The following MERTK variants were observed in gnomAD, a reference collection of about 807,000 sequenced individuals.
The protein encoded by MERTK is MER proto-oncogene, tyrosine kinase.
Under a neutral mutation model 99.3 loss-of-function variants are expected in MERTK, and 69 were observed. The observed-to-expected ratio is 0.70, with a 90% CI of 0.57 to 0.85. The LOEUF (loss-of-function observed/expected upper bound fraction) is 0.85. Ranked by LOEUF, MERTK falls within the 40% of genes least tolerant of loss-of-function variation. The pLI, the probability that MERTK is intolerant of heterozygous loss-of-function variation, is 0.00. For synonymous variants in MERTK, 426 were observed against 467.6 expected, an observed-to-expected ratio of 0.91 and a Z score of 1.15; for missense variants, 1,125 against 1,249.4, an observed-to-expected ratio of 0.90 and a Z score of 1.50.
At chr2:111,948,883 A>G (rs1438627762) in intron 4 of MERTK, among the ~76,000 whole-genome samples, 2 of 151,634 alleles carry the variant, frequency 1.3e-5, no homozygotes, top group East Asian at 2.0e-4. Flanking sequence ...TTAGACTGTC[A>G]CCCAGTCCTT....
intron 2 of MERTK, among the ~76,000 whole-genome samples, chr2:111,937,423 A>G (rs1223464761): frequency 3.3e-5 from 5 of 152,166 alleles, no homozygotes; most frequent in African/African-American, 9.7e-5. Context: ...AGCCTGGGCA[A>G]CGGAACAACA....
rs543381714 is a variant in MERTK at position 111,942,150 on chromosome 2, G to C, written c.483-2810G>C. 2.0e-5 allele frequency among the ~76,000 whole-genome samples: 3 copies of C among 152,278 alleles called. No individual in the cohort carries two copies. In the South Asian group the frequency reaches 6.2e-4, roughly 32 times the overall value. Reference sequence around the variant, plus strand: ...AGCTGCAAGCCTGCTGCCACTCCCGGGTCCCAGACCTTGAGGCAGAGCCGG... The same window carrying C: ...AGCTGCAAGCCTGCTGCCACTCCCGCGTCCCAGACCTTGAGGCAGAGCCGG... On this transcript the variant is annotated intron_variant, in intron 2 of 18. Transcript: ENST00000295408.
chr2:112,008,520 T>A, intron 14 of MERTK, 45 bp downstream of exon 14: 1 of 1,407,430 alleles, frequency 7.1e-7, no homozygotes, highest in East Asian at 2.3e-5. Flanking sequence ...AGGGCTCTGC[T>A]GATCTGCTCT....
At chr2:111,969,426 A>C (rs1676035806) in intron 6 of MERTK, among the ~76,000 whole-genome samples, 1 of 152,158 alleles carries the variant, frequency 6.6e-6, no homozygotes. Flanking sequence ...CCTGGTACTT[A>C]ATCATACAGT....
intron 7 of MERTK, among the ~76,000 whole-genome samples, chr2:111,977,355 G>GTTTT (rs1346374429): frequency 6.6e-6 from 1 of 152,060 alleles, no homozygotes; most frequent in Non-Finnish European, 1.5e-5. Flanking sequence ...TTGTTTGTTT[G>GTTTT]TTTTTACTTT....
chr2:111,898,880 C>T (rs1297828251), intron 1 of MERTK, 84 bp downstream of exon 1: 3 of 1,380,130 alleles, frequency 2.2e-6, no homozygotes, highest in East Asian at 2.6e-5. Context: ...AGCGCGTCCA[C>T]AGGGGCGCGC....
intron 2 of MERTK, among the ~76,000 whole-genome samples, chr2:111,936,165 C>T (rs1027275251): frequency 6.6e-6 from 1 of 152,116 alleles, no homozygotes; most frequent in South Asian, 2.1e-4. Flanking sequence ...ATCTGCCCGC[C>T]TCGGCCTCCC....
At chr2:111,957,170 GCCCGCC>G (rs912417405) in intron 4 of MERTK, among the ~76,000 whole-genome samples, 3 of 151,866 alleles carry the variant, frequency 2.0e-5, no homozygotes, top group African/African-American at 7.3e-5. Context: ...CTCGTGATCC[GCCCGCC>G]TTGGCCAGTG....
intron 2 of MERTK, chr2:111,940,948 A>G (rs1452668493): frequency 4.6e-6 from 3 of 656,136 alleles, no homozygotes; most frequent in Non-Finnish European, 8.8e-6. Context: ...TTCAAGCCAA[A>G]CAGTGAAGTT....
chr2:111,975,325 A>G lies in MERTK; in HGVS notation c.997A>G (p.Met333Val), dbSNP rs1378359073. Residue 333 changes from methionine to valine, a missense_variant, in exon 7 of 19, where the codon ATG becomes GTG. By Grantham distance (21) the Met-to-Val change is conservative. Transcript: ENST00000295408. Reference sequence around the variant, plus strand: ...TGATCCGCTGAGTAATGGCTCAGTCATGATTTTTAACACCTCTGCCTTACC... The same window carrying G: ...TGATCCGCTGAGTAATGGCTCAGTCGTGATTTTTAACACCTCTGCCTTACC... ...EADPLSNGSV[M>V]IFNTSALPHL... The G allele has an allele frequency of 3.7e-6, 6 of 1,614,090 alleles. No individual in the cohort carries two copies. Among genetic ancestry groups the G allele is most frequent in the Non-Finnish European group, 5.1e-6 (6 of 1,180,036 alleles).
chr2:111,974,769 C>CAAAAAAAAAAAAAAAAAAAAAAAAAAAAA (rs35594851), intron 6 of MERTK, among the ~76,000 whole-genome samples: 2 of 53,372 alleles, frequency 3.7e-5, no homozygotes, highest in African/African-American at 7.3e-5. Flanking sequence ...AGGTCCATCT[C>CAAAAAAAAAAAAAAAAAAAAAAAAAAAAA]AAAAAAAAAA....
chr2:111,920,121 T>TTCCTCTAA (rs1684427240), intron 1 of MERTK, among the ~76,000 whole-genome samples: 1 of 152,170 alleles, frequency 6.6e-6, no homozygotes, highest in African/African-American at 2.4e-5. Flanking sequence ...AAATCCGGGG[T>TTCCTCTAA]GTTCCCATAT....
At chr2:111,960,347 G>A (rs907338048) in intron 4 of MERTK, among the ~76,000 whole-genome samples, 1 of 151,966 alleles carries the variant, frequency 6.6e-6, no homozygotes, top group Admixed American at 6.6e-5. Flanking sequence ...CGGGCGTGGT[G>A]GTGCATGCCT....
intron 1 of MERTK, among the ~76,000 whole-genome samples, chr2:111,914,101 CTTTTTTTTTTTTTT>C (rs765850254): frequency 2.1e-5 from 2 of 94,456 alleles, no homozygotes; most frequent in African/African-American, 9.5e-5. Flanking sequence ...TTCTTTCTTT[CTTTTTTTTTTTTTT>C]TTTTTTTTGA....
In MERTK at chr2:111,968,639, C is replaced by G. The variant is rs149384307; in HGVS notation, c.960+387C>G. Among the ~76,000 whole-genome samples, 966 of 152,254 alleles carry G rather than the reference C, an allele frequency of 6.3e-3. 13 individuals carry two copies. Among genetic ancestry groups the G allele is most frequent in the African/African-American group, 0.022 (932 of 41,526 alleles). On this transcript the variant is annotated intron_variant, in intron 6 of 18. Transcript: ENST00000295408. ...AACTCCACCTGGTTCAAGCAATTCT[C>G]CTGCCTCAGCCCCCTGAGTAGCTGA...
rs1034246851 is a variant in MERTK, at chr2:111,914,767, T to G, written c.62-14353T>G. ...AATTCCACTTGATTGTGGTATATAATTATTTTTATATATTGGTGAGTTCTA... is the reference window on the plus strand; with the variant it reads ...AATTCCACTTGATTGTGGTATATAAGTATTTTTATATATTGGTGAGTTCTA... On this transcript the variant is annotated intron_variant, in intron 1 of 18. Coordinates refer to ENST00000295408, the MANE Select transcript of MERTK (RefSeq NM_006343.3). Among the ~76,000 whole-genome samples the G allele has an allele frequency of 1.6e-4, 24 of 152,236 alleles. 1 individual carries two copies. The highest frequency in any genetic ancestry group is 1.4e-3 in the Admixed American group (21 of 15,282).
chr2:112,028,325 A>T (rs774852429), intron 18 of MERTK, 26 bp from the exon 19 acceptor site: 5 of 1,611,460 alleles, frequency 3.1e-6, no homozygotes, highest in Non-Finnish European at 3.4e-6. Context: ...ATGCTGGGAG[A>T]CAATCCACTT....
In MERTK at chr2:111,947,441, A is replaced by C. The variant is rs1196928793; in HGVS notation, c.631A>C (p.Asn211His). The C allele has an allele frequency of 3.1e-6, 5 of 1,614,134 alleles. No homozygotes were observed. The highest frequency in any genetic ancestry group is 1.6e-4 in the Middle Eastern group (1 of 6,062). ...KQPESMNVTR[N>H]TAFNLTCQAV... is the part of the protein sequence containing the mutation. ...GCCTGAGAGCATGAATGTCACCAGA[A>C]ACACAGCCTTCAACCTCACCTGTCA... Residue 211 changes from asparagine (N) to histidine (H), a missense_variant, in exon 4 of 19, where the codon AAC (asparagine) becomes CAC (histidine). Transcript: ENST00000295408.
chr2:111,908,526 T>C (rs577936973), intron 1 of MERTK, among the ~76,000 whole-genome samples: 3 of 152,170 alleles, frequency 2.0e-5, no homozygotes, highest in African/African-American at 4.8e-5. Context: ...TCAATTCCCA[T>C]GCATGTCTTT....
Sources: allele counts gnomAD v4.1 joint callset (sites outside exome capture counted in the v4.1 genomes callset), GRCh38; gene constraint gnomAD v4.1.1; transcripts MANE v1.5; gene names NCBI Gene and HGNC (gene_info 2026-07-23, HGNC 2026-07-21).